The following GALNT14 variants were observed in gnomAD, a reference collection of about 807,000 sequenced individuals.
GALNT14 encodes the protein polypeptide N-acetylgalactosaminyltransferase 14, also known as UDP-GalNAc:polypeptide N-acetylgalactosaminyltransferase 14.
A neutral mutation model predicts 77.5 loss-of-function variants in GALNT14; 60 were observed. The ratio of observed to expected loss-of-function variants is 0.77; its 90% CI spans 0.63 to 0.96. The LOEUF is 0.96. Among genes scored for constraint, GALNT14 ranks in the 40% least tolerant of loss-of-function variants. The pLI is 0.00. For missense variants in GALNT14, 710 were observed against 731.0 expected, an observed-to-expected ratio of 0.97 and a Z score of 0.33; for synonymous variants, 280 against 281.7, an observed-to-expected ratio of 0.99 and a Z score of 0.06.
the GALNT14 span, among the ~76,000 whole-genome samples, chr2:30,898,950 G>A: frequency 5.3e-5 from 8 of 152,184 alleles, no homozygotes; most frequent in Non-Finnish European, 8.8e-5. Flanking sequence ...GTAGAATGGA[G>A]GGGCGCTATT....
chr2:30,895,763 A>G, the GALNT14 span, among the ~76,000 whole-genome samples: 1 of 152,014 alleles, frequency 6.6e-6, no homozygotes, highest in Admixed American at 6.5e-5. Flanking sequence ...CACCAAGCAC[A>G]TCCTCCCTCC....
At chr2:31,014,726 A>T (rs1671241483) in intron 1 of GALNT14, among the ~76,000 whole-genome samples, 1 of 152,142 alleles carries the variant, frequency 6.6e-6, no homozygotes, top group African/African-American at 2.4e-5. Context: ...CTATTTCCTC[A>T]TCGTAGAATA....
At chr2:30,993,550 G>A (rs576291431) in intron 1 of GALNT14, among the ~76,000 whole-genome samples, 38 of 152,316 alleles carry the variant, frequency 2.5e-4, no homozygotes, top group African/African-American at 8.4e-4. Context: ...GAGGAGTTCC[G>A]TCTACAGTGG....
At chr2:31,122,947 C>T (rs972948864) in intron 1 of GALNT14, among the ~76,000 whole-genome samples, 8 of 151,964 alleles carry the variant, frequency 5.3e-5, no homozygotes, top group African/African-American at 1.7e-4. Flanking sequence ...TTTGGGAGGC[C>T]GAGGCGGGCG....
intron 1 of GALNT14, among the ~76,000 whole-genome samples, chr2:31,002,424 C>T (rs570846718): frequency 1.4e-5 from 2 of 146,238 alleles, no homozygotes; most frequent in South Asian, 4.4e-4. Flanking sequence ...AGTGAGACTC[C>T]ATTTCAAAAA....
At chr2:31,121,649 C>A (rs1395216979) in intron 1 of GALNT14, among the ~76,000 whole-genome samples, 2 of 152,142 alleles carry the variant, frequency 1.3e-5, no homozygotes, top group Admixed American at 1.3e-4. Context: ...GAAGACCTCG[C>A]TGCCCACTGC....
chr2:31,087,509 A>AGAGAG (rs1347044927), intron 1 of GALNT14, among the ~76,000 whole-genome samples: 1 of 149,798 alleles, frequency 6.7e-6, no homozygotes, highest in African/African-American at 2.5e-5. Context: ...GGAGAGGAGA[A>AGAGAG]GAGAGGAGAG....
At chr2:30,989,719 A>C (rs1362966075) in intron 2 of GALNT14, among the ~76,000 whole-genome samples, 2 of 67,354 alleles carry the variant, frequency 3.0e-5, no homozygotes, top group African/African-American at 8.6e-5. Context: ...ATATATTAGT[A>C]TATATATATA....
intron 1 of GALNT14, among the ~76,000 whole-genome samples, chr2:31,098,519 G>T (rs1387715704): frequency 6.6e-6 from 1 of 152,092 alleles, no homozygotes; most frequent in African/African-American, 2.4e-5. Flanking sequence ...TTCTACCCTT[G>T]CCCATCCCCA....
At chr2:31,018,819 G>A (rs1182885493) in intron 1 of GALNT14, among the ~76,000 whole-genome samples, 1 of 152,166 alleles carries the variant, frequency 6.6e-6, no homozygotes, top group South Asian at 2.1e-4. Flanking sequence ...CGGCCCTCAT[G>A]ACCTTTCATT....
At chr2:30,950,531 C>G (rs574382523) in intron 6 of GALNT14, among the ~76,000 whole-genome samples, 11 of 152,218 alleles carry the variant, frequency 7.2e-5, no homozygotes, top group African/African-American at 2.4e-4. Context: ...ACAAAGACAC[C>G]AGGAAACACA....
chr2:30,905,735 G>A (rs202060738), downstream of GALNT14, among the ~76,000 whole-genome samples: 6,176 of 147,680 alleles, frequency 0.042, 168 homozygotes, highest in South Asian at 0.12. Flanking sequence ...TCCTCGAGAA[G>A]AGCAACTCCA....
intron 1 of GALNT14, among the ~76,000 whole-genome samples, chr2:31,023,388 C>A (rs1033310027): frequency 6.6e-6 from 1 of 152,110 alleles, no homozygotes; most frequent in Non-Finnish European, 1.5e-5. Flanking sequence ...GTGCCTCTTT[C>A]CTTACATTGT....
At chr2:30,894,317 T>C in the GALNT14 span, among the ~76,000 whole-genome samples, 41 of 152,336 alleles carry the variant, frequency 2.7e-4, no homozygotes, top group Admixed American at 2.3e-3. Flanking sequence ...AGTAAATTAA[T>C]AATGATTTCT....
At chr2:31,016,188 T>C (rs1671340217) in intron 1 of GALNT14, among the ~76,000 whole-genome samples, 2 of 152,142 alleles carry the variant, frequency 1.3e-5, no homozygotes, top group Non-Finnish European at 2.9e-5. Flanking sequence ...TCCTGAGGCC[T>C]CTCCACTTGG....
At chr2:31,054,483 T>C (rs555693685) in intron 1 of GALNT14, among the ~76,000 whole-genome samples, 49 of 152,326 alleles carry the variant, frequency 3.2e-4, no homozygotes, top group Admixed American at 2.9e-3. Flanking sequence ...TGTTCATCTG[T>C]CCTCCACTGA....
At chr2:31,125,278 G>T in intron 1 of GALNT14, 1 of 1,495,898 alleles carries the variant, frequency 6.7e-7, no homozygotes, top group Non-Finnish European at 9.1e-7. Flanking sequence ...AGAAAGAAGA[G>T]CAACATGGTC....
intron 1 of GALNT14, among the ~76,000 whole-genome samples, chr2:31,115,486 G>T (rs1227156183): frequency 2.6e-5 from 4 of 152,140 alleles, no homozygotes; most frequent in Non-Finnish European, 4.4e-5. Flanking sequence ...GAAAACAGAG[G>T]TGTGATGAAC....
At chr2:31,128,507 A>G (rs1678810127) in intron 1 of GALNT14, among the ~76,000 whole-genome samples, 1 of 152,210 alleles carries the variant, frequency 6.6e-6, no homozygotes, top group Non-Finnish European at 1.5e-5. Flanking sequence ...CTATAGTTTA[A>G]GGACCACATT....
Sources: gnomAD v4.1 joint callset for allele counts (sites outside exome capture counted in the v4.1 genomes callset) on GRCh38, gnomAD v4.1.1 for gene constraint, MANE v1.5 for transcripts, NCBI Gene and HGNC (gene_info 2026-07-23, HGNC 2026-07-21) for gene names.